The following NFIB variants were observed in gnomAD, a reference collection of about 807,000 sequenced individuals.
NFIB encodes nuclear factor 1 B-type.
In NFIB, 11 loss-of-function variants were observed where a neutral mutation model predicts 61.5. That is an observed-to-expected ratio of 0.18 (90% CI 0.11 to 0.30). The LOEUF (loss-of-function observed/expected upper bound fraction) is 0.30. Ranked by LOEUF, NFIB falls within the 10% of genes least tolerant of loss-of-function variation. The pLI, the probability that NFIB is intolerant of heterozygous loss-of-function variation, is 1.00. For synonymous variants in NFIB, 260 were observed against 216.5 expected, an observed-to-expected ratio of 1.20 and a Z score of -1.76; for missense variants, 471 against 608.9, an observed-to-expected ratio of 0.77 and a Z score of 2.38.
At chr9:14,398,731 G>T in exon 1 of NFIB, 3 of 765,784 alleles carry the variant, frequency 3.9e-6, no homozygotes, top group African/African-American at 1.8e-5. Context: ...CTTAGCAAAC[G>T]CAGCTTCATA....
chr9:14,258,801 A>T (rs2056471605), intron 2 of NFIB, among the ~76,000 whole-genome samples: 2 of 152,232 alleles, frequency 1.3e-5, no homozygotes, highest in South Asian at 4.1e-4. Flanking sequence ...TAGAAACATT[A>T]TAAAAACAAA....
chr9:14,401,406 C>T (rs2061741876), upstream of NFIB, among the ~76,000 whole-genome samples: 1 of 152,146 alleles, frequency 6.6e-6, no homozygotes, highest in Non-Finnish European at 1.5e-5. Flanking sequence ...TCTTAGTTTT[C>T]TAAGCACAGT....
rs2060394207 is a variant in NFIB, at chr9:14,313,572, T to G, written c.-61A>C. ...CAAGAAAATCTTCGAGAAGCAAGAA[T>G]TTCATCTATTCATTTTACAGTCATC... On this transcript the variant is annotated 5_prime_UTR_variant, in exon 1 of 11. Coordinates refer to ENST00000380953, the MANE Select transcript of NFIB (RefSeq NM_001190737.2). This position sits in a 1 kb window ranked among gnomAD's most constrained non-coding sequence, Gnocchi z 4.5. 1 of 1,611,854 alleles carries G rather than the reference T, an allele frequency of 6.2e-7. No individual in the cohort carries two copies.
chr9:14,142,202 G>C (rs1586979387), intron 6 of NFIB, among the ~76,000 whole-genome samples: 2 of 152,182 alleles, frequency 1.3e-5, no homozygotes, highest in Non-Finnish European at 2.9e-5. Flanking sequence ...CGTGACATGG[G>C]AGGAACCTGG....
chr9:14,308,438 C>T (rs2060129539), intron 1 of NFIB, among the ~76,000 whole-genome samples: 4 of 152,194 alleles, frequency 2.6e-5, no homozygotes, highest in Admixed American at 2.6e-4. Flanking sequence ...CTTCCATCAG[C>T]TTCCCTATAG....
intron 2 of NFIB, among the ~76,000 whole-genome samples, chr9:14,212,139 T>A (rs1014585805): frequency 1.3e-5 from 2 of 152,340 alleles, no homozygotes; most frequent in Admixed American, 6.5e-5. Context: ...AATAAATCCC[T>A]GAGAAAGCCT....
intron 1 of NFIB, among the ~76,000 whole-genome samples, chr9:14,344,278 G>A (rs1267958686): frequency 6.6e-6 from 1 of 152,004 alleles, no homozygotes; most frequent in African/African-American, 2.4e-5. Flanking sequence ...CCGAGAGAGG[G>A]GGGTGATGGG....
chr9:14,490,409 A>T, the NFIB span, among the ~76,000 whole-genome samples: 1 of 152,188 alleles, frequency 6.6e-6, no homozygotes, highest in Non-Finnish European at 1.5e-5. Context: ...AAGTAGAAAA[A>T]CATTTCTTTA....
At chr9:14,464,459 G>C in the NFIB span, among the ~76,000 whole-genome samples, 1 of 152,158 alleles carries the variant, frequency 6.6e-6, no homozygotes, top group Non-Finnish European at 1.5e-5. Flanking sequence ...ATTAGGGAAG[G>C]CTTTATGGTG....
At chr9:14,376,516 T>C (rs1564041384) in intron 1 of NFIB, among the ~76,000 whole-genome samples, 2 of 127,236 alleles carry the variant, frequency 1.6e-5, no homozygotes, top group Non-Finnish European at 3.2e-5. Context: ...TCTAAAAGTG[T>C]CATTTTTTTT....
chr9:14,248,226 T>A (rs1451436483), intron 2 of NFIB, among the ~76,000 whole-genome samples: 2 of 151,278 alleles, frequency 1.3e-5, no homozygotes, highest in African/African-American at 4.9e-5. Context: ...CTCCCTTCCT[T>A]CCATCCTAGC....
intron 3 of NFIB, among the ~76,000 whole-genome samples, chr9:14,164,512 T>A (rs2044563840): frequency 6.6e-6 from 1 of 152,154 alleles, no homozygotes; most frequent in African/African-American, 2.4e-5. Flanking sequence ...TATAATCTTA[T>A]GGGACCACTG....
chr9:14,318,598 A>T (rs766761339), upstream of NFIB, among the ~76,000 whole-genome samples: 3 of 149,828 alleles, frequency 2.0e-5, no homozygotes, highest in Non-Finnish European at 4.4e-5. Flanking sequence ...ACCAATATCA[A>T]TATTTAAAAA....
At chr9:14,244,126 G>C (rs1441767186) in intron 2 of NFIB, among the ~76,000 whole-genome samples, 2 of 152,138 alleles carry the variant, frequency 1.3e-5, no homozygotes, top group African/African-American at 4.8e-5. Flanking sequence ...ATATTTTCAA[G>C]AATGGCTATT....
At chr9:14,391,877 C>T (rs1044953527) in intron 1 of NFIB, among the ~76,000 whole-genome samples, 8 of 152,244 alleles carry the variant, frequency 5.3e-5, no homozygotes, top group South Asian at 2.1e-4. Flanking sequence ...TTTGAATAAA[C>T]GTTTACTCAC....
At position 14,146,691 on chromosome 9, in the gene NFIB, T is replaced by C; in HGVS notation, c.923A>G (p.Gln308Arg). The C allele has an allele frequency of 6.2e-7, 1 of 1,613,076 alleles. No homozygotes were observed. The highest frequency in any genetic ancestry group is 1.1e-5 in the South Asian group (1 of 90,924). Residue 308 changes from glutamine (Q) to arginine (R), a missense_variant and splice_region_variant, in exon 6 of 11, where the codon CAA becomes CGA. By Grantham distance (43) the Gln-to-Arg change is conservative. Transcript: ENST00000380953. ...AGSRTWHERDQDMSSPTTMKK... is the reference protein window; with the variant it reads ...AGSRTWHERDRDMSSPTTMKK... Reference sequence around the variant, plus strand: ...AGAGGCATCTCCTTATTACTCACCTTGATCTCTTTCGTGCCATGTTCGACT... The same window carrying C: ...AGAGGCATCTCCTTATTACTCACCTCGATCTCTTTCGTGCCATGTTCGACT...
chr9:14,475,534 T>C, the NFIB span, among the ~76,000 whole-genome samples: 9 of 152,258 alleles, frequency 5.9e-5, no homozygotes, highest in Admixed American at 2.0e-4. Context: ...GCCCACTGCT[T>C]CCTGTCCTTC....
chr9:14,498,784 TCCCTCCCTC>T, the NFIB span, among the ~76,000 whole-genome samples: 24 of 17,788 alleles, frequency 1.3e-3, no homozygotes, highest in African/African-American at 5.8e-3. Flanking sequence ...CCTCCCTCCC[TCCCTCCCTC>T]CCTCCCTTCC....
intron 6 of NFIB, among the ~76,000 whole-genome samples, chr9:14,131,402 T>C (rs980457753): frequency 6.6e-6 from 1 of 152,212 alleles, no homozygotes; most frequent in Non-Finnish European, 1.5e-5. Context: ...TAGGCCTTGA[T>C]GTGTTATTTA....
Sources: gnomAD v4.1 joint callset for allele counts (sites outside exome capture counted in the v4.1 genomes callset) on GRCh38, gnomAD v4.1.1 for gene constraint, Gnocchi (gnomAD v3.1) non-coding constraint, MANE v1.5 for transcripts, NCBI Gene and HGNC (gene_info 2026-07-23, HGNC 2026-07-21) for gene names.